COA1: variants seen among roughly 807,000 people sequenced by gnomAD.
COA1 encodes the protein cytochrome c oxidase assembly factor 1.
Under a neutral mutation model 16.0 loss-of-function variants are expected in COA1, and 13 were observed. The observed-to-expected ratio is 0.81, with a 90% CI of 0.53 to 1.29. The LOEUF is 1.29. Ranked by LOEUF, COA1 falls within the 50% of genes most tolerant of loss-of-function variation. COA1 has a pLI of 0.00. For missense variants in COA1, 179 were observed against 177.0 expected, an observed-to-expected ratio of 1.01 and a Z score of -0.06; for synonymous variants, 65 against 65.7, an observed-to-expected ratio of 0.99 and a Z score of 0.05.
intron 1 of COA1, among the ~76,000 whole-genome samples, chr7:43,673,642 C>T (rs1021886164): frequency 1.3e-5 from 2 of 152,240 alleles, no homozygotes; most frequent in South Asian, 2.1e-4. Context: ...CTCATTATTG[C>T]GTATATACCC....
intron 1 of COA1, among the ~76,000 whole-genome samples, chr7:43,673,005 C>T (rs550287940): frequency 6.6e-6 from 1 of 152,198 alleles, no homozygotes; most frequent in South Asian, 2.1e-4. Context: ...ACACCATATA[C>T]AAAAATCAAC....
rs532478154 is a variant in COA1 at position 43,715,084 on chromosome 7, G to A, written c.-39+14345C>T. ...CCAAATAAAAATCATTCTAAAAACT[G>A]AAAGATAATACTGTATTTAGAAGTT... On this transcript the variant is annotated intron_variant, in intron 1 of 5. Coordinates refer to ENST00000223336, the MANE Select transcript of COA1 (RefSeq NM_018224.4). Among the ~76,000 whole-genome samples, 4 of 146,876 alleles carry A rather than the reference G, an allele frequency of 2.7e-5. No individual in the cohort carries two copies. The East Asian group carries it at 8.1e-4, about 30-fold the overall frequency.
chr7:43,611,529 G>GT (rs2082877715), intron 6 of COA1, among the ~76,000 whole-genome samples: 2 of 152,136 alleles, frequency 1.3e-5, no homozygotes, highest in Non-Finnish European at 2.9e-5. Context: ...CATAGCTTGG[G>GT]TGGGGGCATT....
chr7:43,713,212 A>G (rs1030685747), intron 1 of COA1, among the ~76,000 whole-genome samples: 9 of 152,190 alleles, frequency 5.9e-5, no homozygotes, highest in East Asian at 1.9e-4. Context: ...TTGGCCTCCC[A>G]AAGTGCTGGG....
intron 1 of COA1, among the ~76,000 whole-genome samples, chr7:43,653,848 AT>A (rs1037202859): frequency 6.6e-6 from 1 of 151,956 alleles, no homozygotes; most frequent in Non-Finnish European, 1.5e-5. Flanking sequence ...AGGATTAATG[AT>A]TTTTTTTAAA....
At chr7:43,655,449 G>A (rs1321686872) in intron 1 of COA1, among the ~76,000 whole-genome samples, 14 of 152,052 alleles carry the variant, frequency 9.2e-5, no homozygotes, top group African/African-American at 3.1e-4. Flanking sequence ...TCAGGAGTTC[G>A]AGACCAGCCT....
chr7:43,613,256 A>G (rs1468858619), intron 6 of COA1, among the ~76,000 whole-genome samples: 1 of 152,106 alleles, frequency 6.6e-6, no homozygotes, highest in Non-Finnish European at 1.5e-5. Context: ...CAAAGTTCCA[A>G]AAAGCTAAAC....
intron 1 of COA1, among the ~76,000 whole-genome samples, chr7:43,687,089 C>T (rs370983715): frequency 6.6e-6 from 1 of 152,142 alleles, no homozygotes; most frequent in African/African-American, 2.4e-5. Context: ...GTATCCTCTG[C>T]TATTAACTTA....
chr7:43,646,927 C>T (rs1174703387), intron 3 of COA1: 6 of 193,264 alleles, frequency 3.1e-5, no homozygotes, highest in Non-Finnish European at 5.6e-5. Flanking sequence ...AAAACTGCTG[C>T]CGCTTTGCCA....
chr7:43,652,254 G>A (rs967427833), intron 1 of COA1, among the ~76,000 whole-genome samples: 6 of 152,268 alleles, frequency 3.9e-5, no homozygotes, highest in Middle Eastern at 3.4e-3. Flanking sequence ...AACACCCAGA[G>A]TCCTCTAAAT....
At chr7:43,685,694 A>T (rs1184982822) in intron 1 of COA1, among the ~76,000 whole-genome samples, 1 of 152,224 alleles carries the variant, frequency 6.6e-6, no homozygotes, top group Non-Finnish European at 1.5e-5. Context: ...TCAGAATCAG[A>T]GTCCTGGAAC....
chr7:43,691,171 G>T (rs1343780174), intron 1 of COA1, among the ~76,000 whole-genome samples: 1 of 149,770 alleles, frequency 6.7e-6, no homozygotes, highest in Non-Finnish European at 1.5e-5. Flanking sequence ...GCTCCCTGAG[G>T]CCAGGAGTTT....
intron 6 of COA1, among the ~76,000 whole-genome samples, chr7:43,624,259 C>T (rs938083212): frequency 6.6e-6 from 1 of 152,092 alleles, no homozygotes; most frequent in Non-Finnish European, 1.5e-5. Flanking sequence ...GCAGATACTT[C>T]CCATCTGTTC....
intron 1 of COA1, among the ~76,000 whole-genome samples, chr7:43,704,087 GC>G (rs2094871253): frequency 6.6e-6 from 1 of 152,140 alleles, no homozygotes; most frequent in African/African-American, 2.4e-5. Flanking sequence ...GCTTAGTTTG[GC>G]CAGACATAAA....
At chr7:43,685,962 G>C (rs2094002276) in intron 1 of COA1, among the ~76,000 whole-genome samples, 1 of 152,080 alleles carries the variant, frequency 6.6e-6, no homozygotes, top group South Asian at 2.1e-4. Context: ...AAAAAATCAA[G>C]AATGCTTTCT....
At chr7:43,639,702 A>C (rs758037007) in intron 5 of COA1, 21 bp from the exon 6 acceptor site, 25 of 1,581,138 alleles carry the variant, frequency 1.6e-5, no homozygotes, top group Non-Finnish European at 1.7e-5. Flanking sequence ...CCAAAAGTAT[A>C]GTATCTCTAA....
chr7:43,639,757 G>A (rs552559986), intron 5 of COA1, 76 bp from the exon 6 acceptor site: 218 of 1,133,544 alleles, frequency 1.9e-4, no homozygotes, highest in South Asian at 1.6e-3. Context: ...AAAGGGGCGC[G>A]GAAAGCAGTT....
chr7:43,653,585 A>T (rs2091246575), intron 1 of COA1, among the ~76,000 whole-genome samples: 1 of 152,140 alleles, frequency 6.6e-6, no homozygotes. Flanking sequence ...ATGCTTGTAG[A>T]GGAAAGGCTT....
At chr7:43,651,972 G>C (rs2090912664) in intron 1 of COA1, among the ~76,000 whole-genome samples, 1 of 152,198 alleles carries the variant, frequency 6.6e-6, no homozygotes, top group Admixed American at 6.5e-5. Context: ...ACTCCAGCCT[G>C]GGCAACAGAG....
Sources: allele counts gnomAD v4.1 joint callset (sites outside exome capture counted in the v4.1 genomes callset), GRCh38; gene constraint gnomAD v4.1.1; transcripts MANE v1.5; gene names NCBI Gene and HGNC (gene_info 2026-07-23, HGNC 2026-07-21).